Variants in STAC observed in about 807,000 individuals in gnomAD.
STAC encodes the protein SH3 and cysteine rich domain, also known as SH3 and cysteine-rich domain-containing protein.
In STAC, 43 loss-of-function variants were observed where a neutral mutation model predicts 48.8. That is an observed-to-expected ratio of 0.88 (90% CI 0.69 to 1.14). STAC has a LOEUF of 1.14. Ranked by LOEUF, STAC falls within the 50% of genes most tolerant of loss-of-function variation. The pLI, the probability that STAC is intolerant of heterozygous loss-of-function variation, is 0.00. For missense variants in STAC, 497 were observed against 504.0 expected (o/e 0.99, Z 0.13); for synonymous variants, 193 against 179.5 (o/e 1.07, Z -0.60).
intron 1 of STAC, among the ~76,000 whole-genome samples, chr3:36,384,351 G>A (rs1384865825): frequency 1.3e-5 from 2 of 152,112 alleles, no homozygotes; most frequent in Non-Finnish European, 2.9e-5. Flanking sequence ...ACACCTCTGT[G>A]AACATGCCTA....
chr3:36,440,637 C>T (rs1223662113), intron 1 of STAC, among the ~76,000 whole-genome samples: 1 of 152,198 alleles, frequency 6.6e-6, no homozygotes, highest in East Asian at 1.9e-4. Flanking sequence ...CAACAATATT[C>T]AAGGAGTGGG....
At chr3:36,411,374 A>G (rs1700191272) in intron 1 of STAC, among the ~76,000 whole-genome samples, 1 of 152,182 alleles carries the variant, frequency 6.6e-6, no homozygotes. Context: ...AAGAATCTGC[A>G]TATGTAACTT....
chr3:36,461,052 C>T (rs1697003240), intron 2 of STAC, among the ~76,000 whole-genome samples: 1 of 152,076 alleles, frequency 6.6e-6, no homozygotes, highest in Non-Finnish European at 1.5e-5. Context: ...TCCAGATAGA[C>T]ATATTATTAA....
chr3:36,542,903 G>C (rs1192296883), intron 10 of STAC, among the ~76,000 whole-genome samples: 1 of 152,046 alleles, frequency 6.6e-6, no homozygotes, highest in South Asian at 2.1e-4. Context: ...ACACATAGTA[G>C]GTACTCAATA....
chr3:36,531,447 G>A (rs1699062705), intron 10 of STAC, among the ~76,000 whole-genome samples: 1 of 152,240 alleles, frequency 6.6e-6, no homozygotes, highest in African/African-American at 2.4e-5. Flanking sequence ...AGTGGAATCC[G>A]AACCCAGATC....
chr3:36,528,272 C>T (rs1319235087), intron 8 of STAC, among the ~76,000 whole-genome samples: 1 of 152,024 alleles, frequency 6.6e-6, no homozygotes, highest in Non-Finnish European at 1.5e-5. Context: ...AGATTGAGAC[C>T]ATCCTGGCCA....
chr3:36,418,610 T>C (rs1279539942), intron 1 of STAC, among the ~76,000 whole-genome samples: 2 of 151,936 alleles, frequency 1.3e-5, no homozygotes, highest in African/African-American at 4.8e-5. Context: ...AAAATCTTAA[T>C]ACTCTCGATT....
At chr3:36,452,491 T>C (rs1696711305) in intron 2 of STAC, among the ~76,000 whole-genome samples, 1 of 152,228 alleles carries the variant, frequency 6.6e-6, no homozygotes, top group South Asian at 2.1e-4. Context: ...CTGTGTTCTC[T>C]GGAGTGTCCT....
chr3:36,468,606 A>G (rs1697239702), intron 2 of STAC, among the ~76,000 whole-genome samples: 1 of 148,300 alleles, frequency 6.7e-6, no homozygotes, highest in African/African-American at 2.4e-5. Flanking sequence ...ATATTTATAT[A>G]TATATTTATA....
intron 10 of STAC, among the ~76,000 whole-genome samples, chr3:36,533,304 G>A (rs945173531): frequency 1.3e-5 from 2 of 152,054 alleles, no homozygotes; most frequent in African/African-American, 4.8e-5. Context: ...AACTCGCAAA[G>A]CAAATGGGCA....
In STAC at chr3:36,414,015, T is replaced by A. The variant is rs539786598; in HGVS notation, c.112-29349T>A. On this transcript the variant is annotated intron_variant, in intron 1 of 10. Coordinates refer to ENST00000273183, the MANE Select transcript of STAC (RefSeq NM_003149.3). The stretch of plus-strand genomic sequence containing the variant: ...TTGAATATTGGCCCCCACTCTCTTC[T>A]GGCTTGTAGAGTTTCTGCCAGGAGA... Among the ~76,000 whole-genome samples the A allele has an allele frequency of 4.0e-4, 61 of 152,374 alleles. No homozygotes were observed. In the South Asian group the frequency reaches 0.013, roughly 32 times the overall value.
rs1279296847 is a variant in STAC at position 36,453,686 on chromosome 3, T to G, written c.388+10046T>G. 4.9e-5 allele frequency among the ~76,000 whole-genome samples: 2 copies of G among 40,714 alleles called. 1 individual carries two copies. The highest frequency in any genetic ancestry group is 1.3e-4 in the Non-Finnish European group (2 of 15,970). The allele number at this position is 40,714 out of a possible 152,430, so 26.7% of individuals were successfully genotyped here. A position where few individuals can be genotyped will look rare whatever the true frequency, so the allele number is the denominator to read the frequency against. On this transcript the variant is annotated intron_variant, in intron 2 of 10. Transcript: ENST00000273183. ...CGACCACCCAAGGGCTGAGGAGTGC[T>G]GGCGCAGGGCGCGGGACTGGCAGGC...
intron 2 of STAC, among the ~76,000 whole-genome samples, chr3:36,475,543 C>G (rs149788572): frequency 9.2e-5 from 14 of 152,254 alleles, no homozygotes; most frequent in African/African-American, 3.1e-4. Flanking sequence ...GCAGGCATTT[C>G]TGGGTTATAT....
At chr3:36,473,016 A>C (rs114506731) in intron 2 of STAC, among the ~76,000 whole-genome samples, 2 of 152,158 alleles carry the variant, frequency 1.3e-5, no homozygotes, top group African/African-American at 4.8e-5. Context: ...TGGAAACAAA[A>C]AGAGATTTAA....
At chr3:36,398,398 T>C (rs1235108367) in intron 1 of STAC, among the ~76,000 whole-genome samples, 1 of 54,706 alleles carries the variant, frequency 1.8e-5, no homozygotes. Context: ...GAAAGAGAGG[T>C]AAAGAGAAAG....
At chr3:36,503,190 A>G (rs146210827) in intron 6 of STAC, among the ~76,000 whole-genome samples, 286 of 152,314 alleles carry the variant, frequency 1.9e-3, no homozygotes, top group African/African-American at 6.5e-3. Flanking sequence ...AGTCATCAAA[A>G]TGGTAGAGTA....
At chr3:36,426,365 G>T (rs184404338) in intron 1 of STAC, among the ~76,000 whole-genome samples, 1 of 152,298 alleles carries the variant, frequency 6.6e-6, no homozygotes, top group African/African-American at 2.4e-5. Context: ...AACAGAGTTG[G>T]GATTGTACTT....
At chr3:36,449,261 A>G (rs1431684773) in intron 2 of STAC, among the ~76,000 whole-genome samples, 4 of 152,218 alleles carry the variant, frequency 2.6e-5, no homozygotes, top group Non-Finnish European at 4.4e-5. Context: ...CATCCTGAAA[A>G]CAACCCAGGT....
At chr3:36,417,357 G>A (rs141958662) in intron 1 of STAC, among the ~76,000 whole-genome samples, 14 of 152,160 alleles carry the variant, frequency 9.2e-5, no homozygotes, top group African/African-American at 3.4e-4. Flanking sequence ...TGTCTATGTA[G>A]CACATCCAGG....
Sources: gnomAD v4.1 joint callset for allele counts (sites outside exome capture counted in the v4.1 genomes callset) on GRCh38, gnomAD v4.1.1 for gene constraint, MANE v1.5 for transcripts, NCBI Gene and HGNC (gene_info 2026-07-23, HGNC 2026-07-21) for gene names.